OXCT1: variants seen among roughly 807,000 people sequenced by gnomAD.
OXCT1 encodes the protein succinyl-CoA:3-ketoacid coenzyme A transferase 1, mitochondrial.
Under a neutral mutation model 69.6 loss-of-function variants are expected in OXCT1, and 27 were observed. The observed-to-expected ratio is 0.39, with a 90% confidence interval of 0.29 to 0.54. The LOEUF is 0.54. Among genes scored for constraint, OXCT1 ranks in the 20% least tolerant of loss-of-function variants. The pLI, the probability that OXCT1 is intolerant of heterozygous loss-of-function variation, is 0.72. For synonymous variants in OXCT1, 202 were observed against 217.8 expected, an observed-to-expected ratio of 0.93 and a Z score of 0.64; for missense variants, 437 against 650.2, an observed-to-expected ratio of 0.67 and a Z score of 3.57.
At chr5:41,801,169 T>C in intron 10 of OXCT1, 99 bp from the exon 11 acceptor site, 1 of 952,102 alleles carries the variant, frequency 1.1e-6, no homozygotes. Context: ...ACCCTATAAA[T>C]TTATCATCCG....
intron 13 of OXCT1, among the ~76,000 whole-genome samples, chr5:41,776,239 G>A (rs191838648): frequency 3.9e-5 from 6 of 151,944 alleles, no homozygotes; most frequent in South Asian, 4.1e-4. Context: ...ACAAAGTTAC[G>A]AAAAACAAGG....
chr5:41,782,219 CTT>C (rs546646302), intron 13 of OXCT1, among the ~76,000 whole-genome samples: 17 of 136,480 alleles, frequency 1.2e-4, no homozygotes, highest in East Asian at 2.1e-4. Flanking sequence ...TGATGTTGAG[CTT>C]TTTTTTTTTT....
chr5:41,790,912 G>T (rs952919178), intron 13 of OXCT1, among the ~76,000 whole-genome samples: 1 of 152,080 alleles, frequency 6.6e-6, no homozygotes, highest in Non-Finnish European at 1.5e-5. Context: ...GGTTGTACTG[G>T]CTCCTGTAAA....
At chr5:41,867,086 A>T (rs538288677) in intron 1 of OXCT1, among the ~76,000 whole-genome samples, 1 of 152,040 alleles carries the variant, frequency 6.6e-6, no homozygotes, top group Non-Finnish European at 1.5e-5. Context: ...TTTCTTTTTA[A>T]TTTTTTTATT....
chr5:41,752,255 T>G (rs1364486197), intron 14 of OXCT1, among the ~76,000 whole-genome samples: 1 of 152,158 alleles, frequency 6.6e-6, no homozygotes, highest in African/African-American at 2.4e-5. Context: ...TAGTTCTCTC[T>G]TATCCTTTGC....
intron 13 of OXCT1, among the ~76,000 whole-genome samples, chr5:41,781,738 G>A (rs900592456): frequency 6.6e-6 from 1 of 152,114 alleles, no homozygotes; most frequent in African/African-American, 2.4e-5. Flanking sequence ...AGTTTGCTGA[G>A]GATAATGGCT....
intron 5 of OXCT1, chr5:41,843,695 CG>C: frequency 4.9e-6 from 2 of 409,458 alleles, no homozygotes; most frequent in South Asian, 3.5e-5. Flanking sequence ...TCATCCCTAC[CG>C]CACCCCCTAG....
At chr5:41,797,761 A>C (rs1332273984) in intron 11 of OXCT1, among the ~76,000 whole-genome samples, 1 of 152,212 alleles carries the variant, frequency 6.6e-6, no homozygotes, top group East Asian at 1.9e-4. Flanking sequence ...TCAGAATCAC[A>C]TGGAAGATTT....
intron 9 of OXCT1, 47 bp from the exon 10 acceptor site, chr5:41,803,210 T>A (rs1357452137): frequency 1.6e-6 from 2 of 1,268,614 alleles, no homozygotes; most frequent in African/African-American, 2.9e-5. Context: ...GGTAGAGAAG[T>A]TATACCATAA....
chr5:41,746,051 G>A (rs1164182318), intron 15 of OXCT1, among the ~76,000 whole-genome samples: 1 of 152,090 alleles, frequency 6.6e-6, no homozygotes, highest in Non-Finnish European at 1.5e-5. Context: ...CTCATTTTAT[G>A]AGGCCAGCAT....
rs528708517 is a variant in OXCT1 at position 41,730,697 on chromosome 5, A to G, written c.*1032T>C. 1.3e-5 allele frequency: 2 copies of G among 152,252 alleles called. No homozygotes were observed. Among genetic ancestry groups the G allele is most frequent in the African/African-American group, 4.8e-5 (2 of 41,550 alleles). The allele number at this position is 152,252 out of a possible 1,614,324, so 9.4% of individuals were successfully genotyped here. ...CCCACCATGTTTATTCCCTGACACT[A>G]AAAGTTCACTGACTCTTCAAATCCT... On this transcript the variant is annotated 3_prime_UTR_variant, in exon 17 of 17. Transcript: ENST00000196371.
intron 2 of OXCT1, among the ~76,000 whole-genome samples, chr5:41,862,366 G>A (rs1230730876): frequency 6.6e-6 from 1 of 151,958 alleles, no homozygotes; most frequent in Non-Finnish European, 1.5e-5. Flanking sequence ...AATAAAACCT[G>A]ACTACTTTGA....
intron 4 of OXCT1, among the ~76,000 whole-genome samples, chr5:41,852,615 C>T (rs1749233073): frequency 6.6e-6 from 1 of 152,164 alleles, no homozygotes; most frequent in Admixed American, 6.5e-5. Context: ...TGAAAAGTTG[C>T]TAGATTAATT....
intron 14 of OXCT1, among the ~76,000 whole-genome samples, chr5:41,751,309 G>A (rs1743776142): frequency 1.3e-5 from 2 of 151,904 alleles, no homozygotes; most frequent in South Asian, 4.2e-4. Flanking sequence ...CTCATTATTT[G>A]AGCAAGATCT....
chr5:41,827,171 C>G (rs1052542401), intron 7 of OXCT1, among the ~76,000 whole-genome samples: 1 of 152,140 alleles, frequency 6.6e-6, no homozygotes, highest in African/African-American at 2.4e-5. Flanking sequence ...AAATTATGAC[C>G]TTTCCAAATG....
intron 5 of OXCT1, 53 bp downstream of exon 5, chr5:41,849,977 A>G (rs1749099964): frequency 2.4e-5 from 39 of 1,594,312 alleles, no homozygotes; most frequent in Non-Finnish European, 3.3e-5. Flanking sequence ...TCCACCCAAA[A>G]TCCCACGTGG....
Position 41,731,269 on chromosome 5 carries a change from T to C in OXCT1, c.*460A>G. On this transcript the variant is annotated 3_prime_UTR_variant, in exon 17 of 17. Coordinates refer to ENST00000196371, the MANE Select transcript of OXCT1 (RefSeq NM_000436.4). ...GGGGACAAGATGTAATCATAAAATC[T>C]GAAGCCCCAAAAGAAAAGTCAGAGG... 2.0e-6 allele frequency: 1 copy of C among 511,392 alleles called. No individual in the cohort carries two copies. Among genetic ancestry groups the C allele is most frequent in the Non-Finnish European group, 2.6e-6 (1 of 391,062 alleles). 31.7% of individuals were successfully genotyped at this position (511,392 alleles called of 1,614,324 possible).
intron 7 of OXCT1, among the ~76,000 whole-genome samples, chr5:41,828,139 C>T (rs1270292779): frequency 1.3e-5 from 2 of 152,100 alleles, no homozygotes; most frequent in South Asian, 4.1e-4. Context: ...TGGAGTTTTG[C>T]TCTTGTTGCC....
At chr5:41,836,818 C>T in intron 7 of OXCT1, among the ~76,000 whole-genome samples, 1 of 152,106 alleles carries the variant, frequency 6.6e-6, no homozygotes, top group East Asian at 1.9e-4. Flanking sequence ...GACCATGGGC[C>T]AGTACAGGTC....
Sources: allele counts gnomAD v4.1 joint callset (sites outside exome capture counted in the v4.1 genomes callset), GRCh38; gene constraint gnomAD v4.1.1; transcripts MANE v1.5; gene names NCBI Gene and HGNC (gene_info 2026-07-23, HGNC 2026-07-21).